The following CADPS2 variants were observed in gnomAD, a reference collection of about 807,000 sequenced individuals.
CADPS2 encodes calcium-dependent secretion activator 2.
In CADPS2, 93 loss-of-function variants were observed where a neutral mutation model predicts 172.5. The ratio of observed to expected loss-of-function variants is 0.54; its 90% CI spans 0.46 to 0.64. The LOEUF is 0.64. CADPS2 is among the 30% of genes least tolerant of loss of function. The probability of loss-of-function intolerance (pLI) is 0.00; values close to 1 mark genes in which losing one functional copy is unlikely to be tolerated. For synonymous variants in CADPS2, 546 were observed against 555.2 expected (o/e 0.98, Z 0.23); for missense variants, 1,420 against 1,565.9 (o/e 0.91, Z 1.57).
intron 8 of CADPS2, among the ~76,000 whole-genome samples, chr7:122,549,421 C>T (rs187021450): frequency 4.6e-5 from 7 of 152,052 alleles, no homozygotes; most frequent in South Asian, 4.1e-4. Context: ...TAGTTACCAT[C>T]GCACTCAAGA....
chr7:122,327,295 C>G (rs1443750), intron 28 of CADPS2, among the ~76,000 whole-genome samples: 54,800 of 151,852 alleles, frequency 0.36, 10,108 homozygotes, highest in East Asian at 0.47. Flanking sequence ...CACTCACTCA[C>G]AAGTATTGGT....
chr7:122,529,693 A>G (rs1039395169), intron 8 of CADPS2, among the ~76,000 whole-genome samples: 4 of 152,072 alleles, frequency 2.6e-5, no homozygotes, highest in South Asian at 2.1e-4. Flanking sequence ...GAAAAGAAAC[A>G]TAAGATTTAT....
intron 5 of CADPS2, among the ~76,000 whole-genome samples, chr7:122,619,868 C>T (rs1259006000): frequency 6.6e-6 from 1 of 152,088 alleles, no homozygotes; most frequent in African/African-American, 2.4e-5. Flanking sequence ...AGTAGTGAAA[C>T]CATTTGGCAA....
intron 15 of CADPS2, 67 bp from the exon 16 acceptor site, chr7:122,441,642 G>T: frequency 2.1e-6 from 2 of 969,100 alleles, no homozygotes; most frequent in Non-Finnish European, 3.0e-6. Flanking sequence ...AATAATTCCT[G>T]CTTGTATTAC....
chr7:122,711,553 C>G (rs2088725284), intron 2 of CADPS2, among the ~76,000 whole-genome samples: 1 of 152,064 alleles, frequency 6.6e-6, no homozygotes, highest in South Asian at 2.1e-4. Flanking sequence ...CTATTTCTAC[C>G]CCAAGTGACA....
In CADPS2 at chr7:122,886,212, C is replaced by T. The variant is rs1210105002; in HGVS notation, c.126G>A (p.Arg42=). ...CGCCGCCCGCGCGCCCCGGCGCGTC[C>T]CGCCGCCCTTCCCGAGTCGGGGCTG... ...APPAPTREGR[R]DAPGRAGGGG... Residue 42 remains arginine (R), a synonymous_variant, in exon 1 of 30, where the codon CGG becomes CGA. Transcript: ENST00000449022. The T allele has an allele frequency of 6.8e-7, 1 of 1,475,960 alleles. No homozygotes were observed. The allele number at this position is 1,475,960 out of a possible 1,614,324, so 91.4% of individuals were successfully genotyped here.
chr7:122,615,101 G>T, intron 6 of CADPS2, 80 bp downstream of exon 6: 2 of 800,722 alleles, frequency 2.5e-6, no homozygotes, highest in Non-Finnish European at 3.9e-6. Flanking sequence ...ACACATTTAT[G>T]CACATAAACA....
intron 8 of CADPS2, among the ~76,000 whole-genome samples, chr7:122,518,168 CTG>C (rs1241357577): frequency 6.6e-6 from 1 of 151,876 alleles, no homozygotes; most frequent in African/African-American, 2.4e-5. Context: ...TATAGAAAGA[CTG>C]TATATATATC....
chr7:122,807,381 G>A (rs1055935935), intron 1 of CADPS2, among the ~76,000 whole-genome samples: 1 of 152,168 alleles, frequency 6.6e-6, no homozygotes, highest in Non-Finnish European at 1.5e-5. Context: ...AGGCCTGCCA[G>A]CCTCAAGTTG....
intron 3 of CADPS2, among the ~76,000 whole-genome samples, chr7:122,648,498 C>T (rs534250069): frequency 1.3e-5 from 2 of 152,174 alleles, no homozygotes; most frequent in East Asian, 3.9e-4. Context: ...AATGTTGCTT[C>T]ACAAGAAGAG....
At chr7:122,541,436 C>A (rs1348536546) in intron 8 of CADPS2, among the ~76,000 whole-genome samples, 1 of 147,034 alleles carries the variant, frequency 6.8e-6, no homozygotes, top group East Asian at 2.0e-4. Context: ...GAACTCCTGG[C>A]CTCAGGTGAT....
At chr7:122,559,598 C>T (rs1423239118) in intron 7 of CADPS2, among the ~76,000 whole-genome samples, 2 of 151,750 alleles carry the variant, frequency 1.3e-5, no homozygotes, top group East Asian at 1.9e-4. Context: ...AGTGAAACCT[C>T]GTCTCTACTA....
chr7:122,598,531 A>G (rs183260039), intron 6 of CADPS2, among the ~76,000 whole-genome samples: 71 of 152,206 alleles, frequency 4.7e-4, no homozygotes, highest in Admixed American at 2.0e-3. Flanking sequence ...AATGTCACTT[A>G]GCAGATTGTA....
chr7:122,569,890 A>G (rs1486532751), intron 7 of CADPS2, among the ~76,000 whole-genome samples: 2 of 143,044 alleles, frequency 1.4e-5, no homozygotes, highest in African/African-American at 2.7e-5. Flanking sequence ...TTCAAGATGG[A>G]TTAAAGACTT....
chr7:122,638,555 C>T (rs1288701207), intron 3 of CADPS2, among the ~76,000 whole-genome samples: 1 of 152,212 alleles, frequency 6.6e-6, no homozygotes, highest in Admixed American at 6.5e-5. Flanking sequence ...CATGGCACCT[C>T]AACCAGGCTG....
chr7:122,872,737 T>C (rs187661584), intron 1 of CADPS2, among the ~76,000 whole-genome samples: 5 of 152,228 alleles, frequency 3.3e-5, no homozygotes, highest in Admixed American at 2.0e-4. Flanking sequence ...GTTAAACTAG[T>C]AAGAATACAA....
chr7:122,679,265 TGGG>T lies in CADPS2; in HGVS notation c.454-15699_454-15697del, dbSNP rs59410664. 3.3e-4 allele frequency among the ~76,000 whole-genome samples: 13 copies of T among 39,230 alleles called. 4 individuals carry two copies. In the East Asian group the frequency reaches 8.5e-3, roughly 26 times the overall value. 25.7% of individuals were successfully genotyped at this position (39,230 alleles called of 152,430 possible). ...CAGCCCTGGGAAAAGAATGCATTCC[TGGG>T]GGGGGGGGGCTCTAAAATGGCCACC... On this transcript the variant is annotated intron_variant, in intron 2 of 29. Transcript: ENST00000449022.
chr7:122,448,184 G>A (rs1318613119), intron 15 of CADPS2, among the ~76,000 whole-genome samples: 1 of 152,182 alleles, frequency 6.6e-6, no homozygotes, highest in Non-Finnish European at 1.5e-5. Context: ...ATGTTGAGAA[G>A]TCATTCTAAC....
chr7:122,594,305 T>C (rs2071394360), intron 6 of CADPS2, among the ~76,000 whole-genome samples: 1 of 151,694 alleles, frequency 6.6e-6, no homozygotes, highest in South Asian at 2.1e-4. Flanking sequence ...AGAGACAAAA[T>C]CCTGAGATGA....
Sources: allele counts gnomAD v4.1 joint callset (sites outside exome capture counted in the v4.1 genomes callset), GRCh38; gene constraint gnomAD v4.1.1; transcripts MANE v1.5; gene names NCBI Gene and HGNC (gene_info 2026-07-23, HGNC 2026-07-21).